The following CYBA variants were observed in gnomAD, a reference collection of about 807,000 sequenced individuals.
The protein encoded by CYBA is cytochrome b-245 alpha chain, also known as cytochrome b-245 light chain.
Under a neutral mutation model 20.8 loss-of-function variants are expected in CYBA, and 21 were observed. The ratio of observed to expected loss-of-function variants is 1.01; its 90% CI spans 0.72 to 1.46. CYBA has a LOEUF of 1.46. Among genes scored for constraint, CYBA ranks in the 40% most tolerant of loss-of-function variants. CYBA has a pLI of 0.00. For missense variants in CYBA, 344 were observed against 287.0 expected (o/e 1.20, Z -1.43); for synonymous variants, 164 against 127.5 (o/e 1.29, Z -1.93).
At chr16:88,645,866 C>T (rs1373066289) in intron 5 of CYBA, 1 of 580,942 alleles carries the variant, frequency 1.7e-6, no homozygotes, top group East Asian at 2.8e-5. Flanking sequence ...ACCCCAGTAC[C>T]CCTCCCAGGG....
rs775610308 is a variant in CYBA at position 88,647,121 on chromosome 16, C to T, written c.183G>A (p.Lys61=). 4.3e-6 allele frequency: 7 copies of T among 1,611,272 alleles called. No individual in the cohort carries two copies. Among genetic ancestry groups the T allele is most frequent in the Middle Eastern group, 1.6e-4 (1 of 6,082 alleles). ...LLEYPRGKRK[K]GSTMERWGQK... is the part of the protein sequence containing the mutation. ...CTCACCAGCGCTCCATGGTGGAGCC[C>T]TTCTTCCTCTTCCCCCGGGGGTACT... Residue 61 remains lysine (K), a synonymous_variant, in exon 3 of 6, where the codon AAG becomes AAA. Coordinates refer to ENST00000261623, the MANE Select transcript of CYBA (RefSeq NM_000101.4).
At chr16:88,650,099 C>T (rs1377106527) in intron 1 of CYBA, 2 of 318,202 alleles carry the variant, frequency 6.3e-6, no homozygotes, top group Non-Finnish European at 1.3e-5. Context: ...ACAGGGAGGG[C>T]GCTCAGAGCC....
chr16:88,646,856 G>T lies in CYBA; in HGVS notation c.204-18C>A, dbSNP rs1171984717. 2.5e-6 allele frequency: 4 copies of T among 1,598,538 alleles called. No homozygotes were observed. In the African/African-American group the frequency reaches 4.0e-5, roughly 16 times the overall value. Reference sequence around the variant, plus strand: ...TCTGTCCCCTGGGGGAGGGAGGAAGGCGAGACGGCGCGGCTGGGCCTCTCC... The same window carrying T: ...TCTGTCCCCTGGGGGAGGGAGGAAGTCGAGACGGCGCGGCTGGGCCTCTCC... On this transcript the variant is annotated intron_variant, in intron 3 of 5. Coordinates refer to ENST00000261623, the MANE Select transcript of CYBA (RefSeq NM_000101.4).
chr16:88,645,918 A>G (rs1907259574), intron 5 of CYBA, 198 bp downstream of exon 5: 1 of 603,190 alleles, frequency 1.7e-6, no homozygotes, highest in Non-Finnish European at 3.0e-6. Context: ...AAATGACCCG[A>G]CACACTAGAC....
chr16:88,647,062 G>T, intron 3 of CYBA, 39 bp downstream of exon 3: 1 of 1,571,868 alleles, frequency 6.4e-7, no homozygotes, highest in Non-Finnish European at 8.7e-7. Flanking sequence ...CCTGGGCCCC[G>T]CAGCCCCCGG....
Position 88,650,939 on chromosome 16 carries a change from C to G in CYBA, c.58+17G>C. The G allele has an allele frequency of 6.3e-7, 1 of 1,584,720 alleles. No homozygotes were observed. The highest frequency in any genetic ancestry group is 1.1e-5 in the South Asian group (1 of 87,140). On this transcript the variant is annotated intron_variant, in intron 1 of 5. Coordinates refer to ENST00000261623, the MANE Select transcript of CYBA (RefSeq NM_000101.4). ...CCCTCCAGGCTGCAGCCTCCACCGT[C>G]CCTGACGTGCACTCACTCAGGCCGG...
chr16:88,650,973 G>C lies in CYBA; in HGVS notation c.41C>G (p.Ala14Gly), dbSNP rs750353019. Residue 14 changes from alanine (A) to glycine (G), a missense_variant, in exon 1 of 6, where the codon GCG becomes GGG. Coordinates refer to ENST00000261623, the MANE Select transcript of CYBA (RefSeq NM_000101.4). ...GCACTCACTCAGGCCGGACGCCAGC[G>C]CCTGTTCGTTGGCCCACATGGCCCA... ...IEWAMWANEQ[A>G]LASGLILITG... 1.3e-6 allele frequency: 2 copies of C among 1,595,518 alleles called. No homozygotes were observed. The highest frequency in any genetic ancestry group is 1.7e-6 in the Non-Finnish European group (2 of 1,172,392).
At chr16:88,646,519 C>T (rs960884439) in intron 4 of CYBA, 1 of 699,232 alleles carries the variant, frequency 1.4e-6, no homozygotes, top group East Asian at 2.7e-5. Context: ...TGCATGCTGA[C>T]CCCAGACCCT....
At position 88,643,611 on chromosome 16, in the gene CYBA, G is replaced by GCCCTCCCT. The variant is rs751984921; in HGVS notation, c.370-48_370-41dup. On this transcript the variant is annotated intron_variant, in intron 5 of 5. Coordinates refer to ENST00000261623, the MANE Select transcript of CYBA (RefSeq NM_000101.4). This position sits in a 1 kb window ranked among gnomAD's most constrained non-coding sequence, Gnocchi z 4.3. Reference sequence around the variant, plus strand: ...AGGGTTGAGCCGCGCCCCAGCGCCCGCCCTCCCTCCCTCCCTCCCTCCCCG... The same window carrying GCCCTCCCT: ...AGGGTTGAGCCGCGCCCCAGCGCCCGCCCTCCCTCCCTCCCTCCCTCCCTCCCTCCCCG... 3.7e-4 allele frequency: 465 copies of GCCCTCCCT among 1,249,084 alleles called. 6 individuals carry two copies. In the South Asian group the frequency reaches 4.6e-3, roughly 12 times the overall value. 77.4% of individuals were successfully genotyped at this position (1,249,084 alleles called of 1,614,324 possible).
At chr16:88,650,847 G>C in intron 1 of CYBA, 109 bp downstream of exon 1, 1 of 1,258,542 alleles carries the variant, frequency 7.9e-7, no homozygotes, top group Non-Finnish European at 1.1e-6. Flanking sequence ...GCCCGGCCTG[G>C]CCCGCCTGGC....
chr16:88,648,170 AC>A, intron 1 of CYBA, 56 bp from the exon 2 acceptor site: 2 of 1,530,112 alleles, frequency 1.3e-6, no homozygotes, highest in Non-Finnish European at 1.8e-6. Context: ...GGCCTGGGCC[AC>A]CCCCCTTCTC....
Position 88,645,269 on chromosome 16 carries a change from G to A in CYBA, c.369+847C>T, listed in dbSNP as rs545190661. 5.2e-4 allele frequency: 366 copies of A among 702,414 alleles called. 5 individuals carry two copies. In the South Asian group the frequency reaches 5.3e-3, roughly 10 times the overall value. 43.5% of individuals were successfully genotyped at this position (702,414 alleles called of 1,614,324 possible). A position where few individuals can be genotyped will look rare whatever the true frequency, so the allele number is the denominator to read the frequency against. ...TTGGCAACAGGAAGGGGTTCTAAAG[G>A]AGAGTTCTGCCGGTGGCAGGTCAGT... On this transcript the variant is annotated intron_variant, in intron 5 of 5. Coordinates refer to ENST00000261623, the MANE Select transcript of CYBA (RefSeq NM_000101.4).
intron 1 of CYBA, among the ~76,000 whole-genome samples, chr16:88,648,705 C>A (rs1163435792): frequency 6.6e-6 from 1 of 151,518 alleles, no homozygotes; most frequent in African/African-American, 2.4e-5. Flanking sequence ...GCTACCTCCG[C>A]CTCCAGGGTT....
At chr16:88,645,968 T>G (rs1767748692) in intron 5 of CYBA, 148 bp downstream of exon 5, 2 of 687,318 alleles carry the variant, frequency 2.9e-6, no homozygotes, top group Non-Finnish European at 2.5e-6. Context: ...GTCCCCGCCG[T>G]GCTGTGAGCA....
intron 1 of CYBA, chr16:88,650,188 A>C (rs1907454997): frequency 2.8e-6 from 1 of 352,936 alleles, no homozygotes; most frequent in Non-Finnish European, 5.8e-6. Flanking sequence ...CCCCCGGTGC[A>C]GGTCCTTCCT....
At chr16:88,650,716 G>T in intron 1 of CYBA, 1 of 614,802 alleles carries the variant, frequency 1.6e-6, no homozygotes, top group Non-Finnish European at 2.9e-6. Flanking sequence ...AGGGAATGGG[G>T]GAGGGGCGCC....
chr16:88,646,044 C>T (rs369344360), intron 5 of CYBA, 72 bp downstream of exon 5: 7 of 1,292,822 alleles, frequency 5.4e-6, no homozygotes, highest in Admixed American at 2.0e-5. Context: ...AAGGGCCATG[C>T]GTGTCCGAGG....
intron 5 of CYBA, chr16:88,645,258 G>C: frequency 1.4e-6 from 1 of 702,422 alleles, no homozygotes; most frequent in Non-Finnish European, 2.6e-6. Flanking sequence ...CAACAGGAAG[G>C]GGTTCTAAAG....
intron 1 of CYBA, chr16:88,650,477 A>C: frequency 1.1e-5 from 5 of 463,044 alleles, no homozygotes; most frequent in Non-Finnish European, 2.2e-5. Context: ...CGCAGACTCC[A>C]GATGAGAAGG....
Sources: allele counts gnomAD v4.1 joint callset (sites outside exome capture counted in the v4.1 genomes callset), GRCh38; gene constraint gnomAD v4.1.1; non-coding constraint Gnocchi (gnomAD v3.1); transcripts MANE v1.5; gene names NCBI Gene and HGNC (gene_info 2026-07-23, HGNC 2026-07-21).